The following MTMR7 variants were observed in gnomAD, a reference collection of about 807,000 sequenced individuals.
The protein encoded by MTMR7 is myotubularin related protein 7.
MTMR7 carries 76 observed loss-of-function variants against 81.2 expected under a neutral mutation model. The observed-to-expected ratio is 0.94, with a 90% CI of 0.78 to 1.13. The LOEUF (loss-of-function observed/expected upper bound fraction) is 1.13, where lower values mean the gene tolerates loss of function less well. MTMR7 is among the 50% of genes most tolerant of loss of function. MTMR7 has a pLI of 0.00. For missense variants in MTMR7, 1,044 were observed against 820.0 expected (o/e 1.27, Z -3.34); for synonymous variants, 372 against 289.8 (o/e 1.28, Z -2.88).
rs1216935149 is a variant in MTMR7, at chr8:17,307,338, A to G, written c.1152-1381T>C. Among the ~76,000 whole-genome samples, 7 of 152,314 alleles carry G rather than the reference A, an allele frequency of 4.6e-5. No individual in the cohort carries two copies. In the East Asian group the frequency reaches 1.4e-3, roughly 29 times the overall value. ...ATGCAAATCAAAACCACAATGATAC[A>G]CCATCTCACACCAGTTAGAATGGCG... On this transcript the variant is annotated intron_variant, in intron 10 of 13. Transcript: ENST00000180173.
chr8:17,328,945 A>T (rs1162029031), intron 7 of MTMR7, among the ~76,000 whole-genome samples: 1 of 152,224 alleles, frequency 6.6e-6, no homozygotes, highest in East Asian at 1.9e-4. Context: ...TCTATAGAGG[A>T]CCTACACAGG....
At chr8:17,353,659 A>C (rs2150551531) in intron 4 of MTMR7, among the ~76,000 whole-genome samples, 1 of 152,306 alleles carries the variant, frequency 6.6e-6, no homozygotes, top group South Asian at 2.1e-4. Context: ...GAATATGAGA[A>C]GTTCAGAGGA....
intron 1 of MTMR7, among the ~76,000 whole-genome samples, chr8:17,374,605 G>C (rs952128502): frequency 6.6e-6 from 1 of 151,762 alleles, no homozygotes; most frequent in African/African-American, 2.4e-5. Context: ...TGGCGACAGA[G>C]TGAGACTCCA....
At chr8:17,306,843 A>G (rs1817486870) in intron 10 of MTMR7, among the ~76,000 whole-genome samples, 1 of 152,234 alleles carries the variant, frequency 6.6e-6, no homozygotes, top group Non-Finnish European at 1.5e-5. Context: ...ATATGTAGAA[A>G]GCTGAAACTG....
chr8:17,387,508 T>A (rs911096431), intron 1 of MTMR7, among the ~76,000 whole-genome samples: 2 of 152,180 alleles, frequency 1.3e-5, no homozygotes, highest in African/African-American at 4.8e-5. Flanking sequence ...TTTGTTATGT[T>A]GGTTGCAGAG....
intron 12 of MTMR7, among the ~76,000 whole-genome samples, chr8:17,302,732 G>A (rs1371657848): frequency 2.7e-5 from 2 of 75,370 alleles, no homozygotes; most frequent in Non-Finnish European, 5.0e-5. Context: ...TTTTTTTAAT[G>A]GCAGAGTTTC....
chr8:17,357,666 G>T (rs1374231269), intron 4 of MTMR7, among the ~76,000 whole-genome samples: 1 of 152,164 alleles, frequency 6.6e-6, no homozygotes, highest in Non-Finnish European at 1.5e-5. Flanking sequence ...CTGACATTAA[G>T]TGAGGCCTTC....
At chr8:17,323,363 A>C (rs1363843339) in intron 7 of MTMR7, among the ~76,000 whole-genome samples, 1 of 152,124 alleles carries the variant, frequency 6.6e-6, no homozygotes, top group Non-Finnish European at 1.5e-5. Context: ...TTTTCACTAA[A>C]AAATAGAGAA....
chr8:17,384,585 T>C (rs1466095047), intron 1 of MTMR7, among the ~76,000 whole-genome samples: 2 of 152,180 alleles, frequency 1.3e-5, no homozygotes, highest in African/African-American at 4.8e-5. Context: ...CAAAGTACTC[T>C]GACATACAAG....
intron 7 of MTMR7, among the ~76,000 whole-genome samples, chr8:17,316,722 C>G (rs1334373057): frequency 6.6e-6 from 1 of 152,218 alleles, no homozygotes; most frequent in African/African-American, 2.4e-5. Flanking sequence ...ACTATTTACA[C>G]AGCACCTACA....
chr8:17,323,341 C>T (rs1818506107), intron 7 of MTMR7, among the ~76,000 whole-genome samples: 1 of 152,078 alleles, frequency 6.6e-6, no homozygotes, highest in South Asian at 2.1e-4. Flanking sequence ...CTTGACTCCA[C>T]TTTCCATATT....
In MTMR7 at chr8:17,413,253, C is replaced by G; in HGVS notation, c.24+16G>C. 1 of 1,548,782 alleles carries G rather than the reference C, an allele frequency of 6.5e-7. No individual in the cohort carries two copies. The highest frequency in any genetic ancestry group is 1.4e-5 in the African/African-American group (1 of 73,022). On this transcript the variant is annotated intron_variant, in intron 1 of 13. Coordinates refer to ENST00000180173, the MANE Select transcript of MTMR7 (RefSeq NM_004686.5). ...TCTCCTCCCGTCCCTCCTCCGCCCG[C>G]GCTGGTGTCACCAACCTTGGGCGTA...
At chr8:17,321,760 G>A (rs1818398860) in intron 7 of MTMR7, among the ~76,000 whole-genome samples, 1 of 152,192 alleles carries the variant, frequency 6.6e-6, no homozygotes, top group African/African-American at 2.4e-5. Context: ...AAATTGCAGA[G>A]AATGGGGCTT....
chr8:17,387,202 C>A (rs551211571), intron 1 of MTMR7, among the ~76,000 whole-genome samples: 5 of 152,264 alleles, frequency 3.3e-5, no homozygotes, highest in African/African-American at 1.2e-4. Flanking sequence ...ATTCCGATAT[C>A]CCAGATATCC....
intron 3 of MTMR7, among the ~76,000 whole-genome samples, chr8:17,370,667 A>G (rs1820391253): frequency 6.6e-6 from 1 of 151,856 alleles, no homozygotes. Context: ...GTCTGATAAC[A>G]TTTTCCACAC....
intron 1 of MTMR7, 71 bp from the exon 2 acceptor site, chr8:17,373,311 G>A (rs1389128992): frequency 7.3e-6 from 11 of 1,515,552 alleles, no homozygotes; most frequent in Non-Finnish European, 9.8e-6. Flanking sequence ...AATGATAACA[G>A]GGTAAACTCA....
chr8:17,366,046 C>T (rs2150561019), intron 3 of MTMR7, among the ~76,000 whole-genome samples: 1 of 152,282 alleles, frequency 6.6e-6, no homozygotes, highest in East Asian at 1.9e-4. Flanking sequence ...GTCTCTATTG[C>T]TCTCCTCGGC....
chr8:17,350,502 C>T (rs1229015429), intron 4 of MTMR7, among the ~76,000 whole-genome samples: 2 of 152,190 alleles, frequency 1.3e-5, no homozygotes, highest in Non-Finnish European at 2.9e-5. Flanking sequence ...GAAAGACCAG[C>T]TCCCATGATC....
intron 7 of MTMR7, among the ~76,000 whole-genome samples, chr8:17,320,408 T>G (rs1297178185): frequency 6.6e-6 from 1 of 152,128 alleles, no homozygotes; most frequent in Non-Finnish European, 1.5e-5. Flanking sequence ...AGGGTATGTT[T>G]TTTTTTGTAA....
Sources: gnomAD v4.1 joint callset for allele counts (sites outside exome capture counted in the v4.1 genomes callset) on GRCh38, gnomAD v4.1.1 for gene constraint, MANE v1.5 for transcripts, NCBI Gene and HGNC (gene_info 2026-07-23, HGNC 2026-07-21) for gene names.